Variants in NF2 observed in about 807,000 individuals in gnomAD.
NF2 encodes the protein merlin.
In NF2, 8 loss-of-function variants were observed where a neutral mutation model predicts 83.7. The observed-to-expected ratio is 0.10, with a 90% CI of 0.06 to 0.17. NF2 has a LOEUF of 0.17. NF2 is among the 10% of genes least tolerant of loss of function. The pLI is 1.00. For missense variants in NF2, 533 were observed against 744.4 expected, an observed-to-expected ratio of 0.72 and a Z score of 3.31; for synonymous variants, 266 against 269.6, an observed-to-expected ratio of 0.99 and a Z score of 0.13.
intron 1 of NF2, among the ~76,000 whole-genome samples, chr22:29,614,645 G>T (rs2065038456): frequency 6.6e-6 from 1 of 152,054 alleles, no homozygotes; most frequent in African/African-American, 2.4e-5. Context: ...TACTTGGGAG[G>T]CTGAGGCAGG....
intron 7 of NF2, among the ~76,000 whole-genome samples, chr22:29,658,515 C>T (rs2066381671): frequency 6.6e-6 from 1 of 152,192 alleles, no homozygotes; most frequent in African/African-American, 2.4e-5. Context: ...CAGCAGAAAC[C>T]TGTTTGAATG....
At chr22:29,624,570 G>C (rs117468267) in intron 1 of NF2, among the ~76,000 whole-genome samples, 49 of 152,306 alleles carry the variant, frequency 3.2e-4, no homozygotes, top group Non-Finnish European at 6.5e-4. Context: ...GGCCTGACCC[G>C]TAGTGAGCAT....
intron 4 of NF2, among the ~76,000 whole-genome samples, chr22:29,650,094 G>T (rs2066102359): frequency 6.6e-6 from 1 of 152,120 alleles, no homozygotes; most frequent in South Asian, 2.1e-4. Context: ...TGGCTAGTGG[G>T]TACAGGACTT....
At chr22:29,656,663 C>T (rs933604997) in intron 6 of NF2, among the ~76,000 whole-genome samples, 23 of 152,034 alleles carry the variant, frequency 1.5e-4, no homozygotes, top group African/African-American at 5.3e-4. Flanking sequence ...CTGCCTGCCT[C>T]GGCCTCCCAA....
rs2066863778 is a variant in NF2, at chr22:29,673,402, CGGA to C, written c.1264_1266del (p.Glu422del). 4 of 1,612,240 alleles carry C rather than the reference CGGA, an allele frequency of 2.5e-6. No individual in the cohort carries two copies. Among genetic ancestry groups the C allele is most frequent in the Non-Finnish European group, 3.4e-6 (4 of 1,179,510 alleles). On this transcript the variant is annotated inframe_deletion, in exon 12 of 16. Transcript: ENST00000338641. ...CGCATCAAGGCCACAGCGATTCGCA[CGGA>C]GGAGGAGAAGCGCCTGATGGAGCAG...
chr22:29,606,635 CAACTGGGAG>C (rs1318428983), intron 1 of NF2, among the ~76,000 whole-genome samples: 1 of 152,216 alleles, frequency 6.6e-6, no homozygotes, highest in Non-Finnish European at 1.5e-5. Flanking sequence ...TGGTAAGAGG[CAACTGGGAG>C]ATCTGCGGAT....
At chr22:29,621,484 T>C (rs1481518042) in intron 1 of NF2, among the ~76,000 whole-genome samples, 1 of 152,044 alleles carries the variant, frequency 6.6e-6, no homozygotes, top group Non-Finnish European at 1.5e-5. Flanking sequence ...CTGGGCAACA[T>C]GGCGAAACCC....
At chr22:29,650,654 T>C (rs1325936303) in intron 4 of NF2, among the ~76,000 whole-genome samples, 1 of 146,754 alleles carries the variant, frequency 6.8e-6, no homozygotes, top group African/African-American at 2.5e-5. Flanking sequence ...TCCCCTCCCC[T>C]TCTGTTTCTT....
chr22:29,644,553 G>C (rs975392910), intron 4 of NF2, among the ~76,000 whole-genome samples: 4 of 152,060 alleles, frequency 2.6e-5, no homozygotes, highest in Non-Finnish European at 5.9e-5. Flanking sequence ...TCGGCACTTT[G>C]GGAGGCCAAG....
chr22:29,630,173 T>C (rs1402066015), intron 1 of NF2, among the ~76,000 whole-genome samples: 1 of 152,222 alleles, frequency 6.6e-6, no homozygotes, highest in Non-Finnish European at 1.5e-5. Context: ...GTTCAGTAGA[T>C]GTTATTCCTA....
Position 29,694,778 on chromosome 22 carries a change from A to C in NF2, c.1764A>C (p.Arg588=), listed in dbSNP as rs1601688952. 16 of 1,613,638 alleles carry C rather than the reference A, an allele frequency of 9.9e-6. No homozygotes were observed. The East Asian group carries it at 3.6e-4, about 36-fold the overall frequency. Residue 588 remains arginine (R), a synonymous_variant, in exon 16 of 16, where the codon CGA becomes CGC. Coordinates refer to ENST00000338641, the MANE Select transcript of NF2 (RefSeq NM_000268.4). This position sits in a 1 kb window ranked among gnomAD's most constrained non-coding sequence, Gnocchi z 4.1. ...TCACCTTGCAGAGCGCCAAGTCCCG[A>C]GTGGCCTTCTTTGAAGAGCTCTAGC... ...KKLTLQSAKS[R]VAFFEEL
chr22:29,679,543 C>G (rs1055995999), intron 14 of NF2, among the ~76,000 whole-genome samples: 10 of 152,130 alleles, frequency 6.6e-5, no homozygotes, highest in Non-Finnish European at 1.2e-4. Context: ...TAACAAAATA[C>G]CAGAGGCTGG....
intron 15 of NF2, among the ~76,000 whole-genome samples, chr22:29,685,859 C>T (rs1389229584): frequency 1.3e-5 from 2 of 152,146 alleles, no homozygotes; most frequent in Non-Finnish European, 2.9e-5. Flanking sequence ...TTACCGCATT[C>T]CCTGAGGAAT....
intron 6 of NF2, among the ~76,000 whole-genome samples, chr22:29,657,869 A>G (rs771858159): frequency 3.3e-5 from 5 of 152,212 alleles, no homozygotes; most frequent in Non-Finnish European, 7.3e-5. Flanking sequence ...AGAAGATAAC[A>G]TACCACACAC....
intron 15 of NF2, among the ~76,000 whole-genome samples, chr22:29,689,029 A>G (rs1308118418): frequency 2.0e-5 from 3 of 152,078 alleles, no homozygotes; most frequent in Admixed American, 6.5e-5. Context: ...AAATACAAAA[A>G]TTAGCTGGGC....
rs558941224 is a variant in NF2 at position 29,611,734 on chromosome 22, C to T, written c.114+7622C>T. Among the ~76,000 whole-genome samples, 4 of 151,946 alleles carry T rather than the reference C, an allele frequency of 2.6e-5. No homozygotes were observed. In the East Asian group the frequency reaches 7.7e-4, roughly 29 times the overall value. On this transcript the variant is annotated intron_variant, in intron 1 of 15. Transcript: ENST00000338641. ...AGATGACATGATCTTGCATATAGAC[C>T]CTGAGGAATCCACTACCAAAGTATT...
At chr22:29,633,882 G>T (rs1056523557) in intron 1 of NF2, among the ~76,000 whole-genome samples, 2 of 152,200 alleles carry the variant, frequency 1.3e-5, no homozygotes, top group Non-Finnish European at 2.9e-5. Context: ...ACATTGGTTG[G>T]CATGTAGGGT....
chr22:29,676,337 C>T (rs900771444), intron 13 of NF2, among the ~76,000 whole-genome samples: 1 of 151,900 alleles, frequency 6.6e-6, no homozygotes, highest in Admixed American at 6.6e-5. Context: ...CCACGCCCAG[C>T]TAATTTTTTT....
At chr22:29,657,119 GAAATAACCTGTGTCTCCCTACCCCCA>G (rs2066335510) in intron 6 of NF2, among the ~76,000 whole-genome samples, 1 of 151,926 alleles carries the variant, frequency 6.6e-6, no homozygotes, top group African/African-American at 2.4e-5. Flanking sequence ...ACCAGAGGAA[GAAATAACCTGTGTCTCCCTACCCCCA>G]ATTCCCCTTT....
Sources: gnomAD v4.1 joint callset for allele counts (sites outside exome capture counted in the v4.1 genomes callset) on GRCh38, gnomAD v4.1.1 for gene constraint, Gnocchi (gnomAD v3.1) non-coding constraint, MANE v1.5 for transcripts, NCBI Gene and HGNC (gene_info 2026-07-23, HGNC 2026-07-21) for gene names.